Variants in SATB1 observed in about 807,000 individuals in gnomAD.
SATB1 encodes DNA-binding protein SATB1.
SATB1 carries 11 observed loss-of-function variants against 86.9 expected under a neutral mutation model. That is an observed-to-expected ratio of 0.13 (90% CI 0.08 to 0.21). SATB1 has a LOEUF of 0.21. SATB1 is among the 10% of genes least tolerant of loss of function. The probability of loss-of-function intolerance (pLI) is 1.00; values close to 1 mark genes in which losing one functional copy is unlikely to be tolerated. For missense variants in SATB1, 551 were observed against 937.6 expected, an observed-to-expected ratio of 0.59 and a Z score of 5.39; for synonymous variants, 357 against 357.2, an observed-to-expected ratio of 1.00 and a Z score of 0.01.
At chr3:18,392,173 T>C (rs1447689707) in intron 7 of SATB1, among the ~76,000 whole-genome samples, 2 of 152,162 alleles carry the variant, frequency 1.3e-5, no homozygotes, top group East Asian at 1.9e-4. Context: ...CTATACAAGG[T>C]AAAGTTTTCA....
At chr3:18,364,933 C>A (rs182735056) in intron 9 of SATB1, among the ~76,000 whole-genome samples, 1 of 152,028 alleles carries the variant, frequency 6.6e-6, no homozygotes, top group Admixed American at 6.6e-5. Flanking sequence ...AGACTGTGTC[C>A]TCAGTAGCCC....
intron 7 of SATB1, among the ~76,000 whole-genome samples, chr3:18,389,007 GTAGT>G (rs1696490546): frequency 1.3e-5 from 2 of 152,090 alleles, no homozygotes. Flanking sequence ...AGATTGGAAG[GTAGT>G]TATGTCACTT....
At chr3:18,417,183 G>C in intron 2 of SATB1, 105 bp from the exon 3 acceptor site, 1 of 1,149,558 alleles carries the variant, frequency 8.7e-7, no homozygotes, top group Non-Finnish European at 1.3e-6. Context: ...ATAATCACAA[G>C]AGATTCACTG....
At chr3:18,415,954 C>A in intron 4 of SATB1, 53 bp downstream of exon 4, 1 of 1,486,440 alleles carries the variant, frequency 6.7e-7, no homozygotes, top group Admixed American at 2.2e-5. Flanking sequence ...TGCTTCATTT[C>A]AAAAGACCAG....
chr3:18,441,637 G>A (rs992584706), upstream of SATB1, among the ~76,000 whole-genome samples: 2 of 152,234 alleles, frequency 1.3e-5, no homozygotes, highest in East Asian at 1.9e-4. Context: ...AAACCCACTA[G>A]AGTGCTTTAT....
chr3:18,392,865 T>G, intron 7 of SATB1, among the ~76,000 whole-genome samples: 1 of 151,628 alleles, frequency 6.6e-6, no homozygotes, highest in Non-Finnish European at 1.5e-5. Context: ...CAGCTAATGA[T>G]GAACACAGTT....
intron 5 of SATB1, among the ~76,000 whole-genome samples, chr3:18,402,950 A>T (rs1322152766): frequency 6.6e-6 from 1 of 152,136 alleles, no homozygotes; most frequent in Non-Finnish European, 1.5e-5. Flanking sequence ...ATTTCAGCTT[A>T]ATGTAATCCT....
chr3:18,434,156 A>T lies in SATB1; in HGVS notation c.-25+2633T>A, dbSNP rs554946857. Among the ~76,000 whole-genome samples, 23 of 152,182 alleles carry T rather than the reference A, an allele frequency of 1.5e-4. 1 individual carries two copies. In the South Asian group the frequency reaches 4.3e-3, roughly 29 times the overall value. ...CATATTCACATTATATTTAATAAAAATTAACCTCTCATCTCTTCTTTGAGG... is the reference window on the plus strand; with the variant it reads ...CATATTCACATTATATTTAATAAAATTTAACCTCTCATCTCTTCTTTGAGG... On this transcript the variant is annotated intron_variant, in intron 2 of 3. Transcript: ENST00000414509.
Position 18,444,531 on chromosome 3 carries a change from A to C in SATB1, c.-25+987T>G. The C allele has an allele frequency of 2.0e-5, 19 of 949,256 alleles. No individual in the cohort carries two copies. Among genetic ancestry groups the C allele is most frequent in the Non-Finnish European group, 2.0e-5 (16 of 797,096 alleles). 58.8% of individuals were successfully genotyped at this position (949,256 alleles called of 1,614,324 possible). A position where few individuals can be genotyped will look rare whatever the true frequency, so the allele number is the denominator to read the frequency against. On this transcript the variant is annotated intron_variant, in intron 1 of 3. Transcript: ENST00000415069. This position sits in a 1 kb window ranked among gnomAD's most constrained non-coding sequence, Gnocchi z 5.1. ...GGGTGCTACGGAGAAGTTTGGATTG[A>C]TTCCGGAAAAAGAGGGACAGAGATA...
intron 10 of SATB1, 144 bp downstream of exon 10, chr3:18,351,848 C>T: frequency 1.4e-6 from 1 of 721,160 alleles, no homozygotes; most frequent in Non-Finnish European, 2.4e-6. Flanking sequence ...ATTTTATCCC[C>T]CTGAGCAAGA....
chr3:18,389,368 TA>T (rs200362551), intron 7 of SATB1, among the ~76,000 whole-genome samples: 16 of 147,004 alleles, frequency 1.1e-4, no homozygotes, highest in South Asian at 4.3e-4. Context: ...GATAATTACT[TA>T]AAAAAAAAAG....
intron 9 of SATB1, among the ~76,000 whole-genome samples, chr3:18,360,389 G>A (rs563805918): frequency 1.3e-5 from 2 of 152,084 alleles, no homozygotes; most frequent in Non-Finnish European, 2.9e-5. Flanking sequence ...CCTCTCAGGG[G>A]CTGTTTTCGA....
At chr3:18,355,649 CA>C (rs553808759) in intron 9 of SATB1, among the ~76,000 whole-genome samples, 1 of 150,158 alleles carries the variant, frequency 6.7e-6, no homozygotes, top group Non-Finnish European at 1.5e-5. Context: ...TGCAAAAAGA[CA>C]AAAAAAACAC....
chr3:18,376,940 G>T (rs182105206), intron 9 of SATB1, among the ~76,000 whole-genome samples: 3 of 152,264 alleles, frequency 2.0e-5, no homozygotes, highest in Admixed American at 2.0e-4. Context: ...TTGAAGGGTA[G>T]GCAGGCATGT....
chr3:18,373,951 C>G (rs1455917448), intron 9 of SATB1, among the ~76,000 whole-genome samples: 1 of 152,152 alleles, frequency 6.6e-6, no homozygotes, highest in Admixed American at 6.5e-5. Flanking sequence ...GTTAGTCAAA[C>G]AGAATTTTCA....
Position 18,349,283 on chromosome 3 carries a change from C to G in SATB1, c.2179G>C (p.Asp727His). The change falls in exon 11 of 11, where the codon GAT becomes CAT. Residue 727 changes from aspartate (D) to histidine (H), a missense_variant. Asp to His is a moderately conservative substitution (Grantham distance 81, BLOSUM62 -1). Coordinates refer to ENST00000338745, the MANE Select transcript of SATB1 (RefSeq NM_002971.6). This position sits in a 1 kb window ranked among gnomAD's most constrained non-coding sequence, Gnocchi z 5.5. ...AEYKEEELLK[D>H]LEESVQDKNT... ...TTATCTTGGACACTCTCTTCCAAAT[C>G]CTTCAGCAGCTCCTCTTCTTTATAT... 6.2e-7 allele frequency: 1 copy of G among 1,614,220 alleles called. No homozygotes were observed. The highest frequency in any genetic ancestry group is 8.5e-7 in the Non-Finnish European group (1 of 1,180,038).
chr3:18,378,039 G>T, intron 9 of SATB1, 131 bp downstream of exon 9: 2 of 784,884 alleles, frequency 2.5e-6, no homozygotes, highest in Non-Finnish European at 3.8e-6. Flanking sequence ...TCATTTTAGA[G>T]CTCTGGAAAT....
exon 1 of SATB1, chr3:18,445,551 T>G: frequency 1.0e-6 from 1 of 984,300 alleles, no homozygotes; most frequent in Non-Finnish European, 1.2e-6. Context: ...GCACTCCTCC[T>G]CTTGTCGCCT....
upstream of SATB1, among the ~76,000 whole-genome samples, chr3:18,439,872 A>G (rs115696837): frequency 0.03 from 4,528 of 152,304 alleles, 232 homozygotes; most frequent in African/African-American, 0.1. Context: ...AAGAAAAACA[A>G]CAAATACATT....
Sources: gnomAD v4.1 joint callset for allele counts (sites outside exome capture counted in the v4.1 genomes callset) on GRCh38, gnomAD v4.1.1 for gene constraint, Gnocchi (gnomAD v3.1) non-coding constraint, MANE v1.5 for transcripts, NCBI Gene and HGNC (gene_info 2026-07-23, HGNC 2026-07-21) for gene names.